The following ZFP64 variants were observed in gnomAD, a reference collection of about 807,000 sequenced individuals.
ZFP64 encodes ZFP64 zinc finger protein, also known as zinc finger protein 64.
A neutral mutation model predicts 51.6 loss-of-function variants in ZFP64; 14 were observed. The observed-to-expected ratio is 0.27, with a 90% CI of 0.18 to 0.42. The LOEUF is 0.42. Ranked by LOEUF, ZFP64 falls within the 10% of genes least tolerant of loss-of-function variation. The pLI, the probability that ZFP64 is intolerant of heterozygous loss-of-function variation, is 1.00. For synonymous variants in ZFP64, 375 were observed against 361.4 expected (o/e 1.04, Z -0.43); for missense variants, 754 against 906.8 (o/e 0.83, Z 2.16).
chr20:52,128,539 A>G (rs1979554947), intron 5 of ZFP64, among the ~76,000 whole-genome samples: 1 of 152,254 alleles, frequency 6.6e-6, no homozygotes, highest in Non-Finnish European at 1.5e-5. Flanking sequence ...TACAGTATTA[A>G]TAAATGTATA....
At chr20:52,105,327 C>G (rs1344575631) in intron 5 of ZFP64, 2 of 1,251,966 alleles carry the variant, frequency 1.6e-6, no homozygotes, top group Admixed American at 8.4e-5. Flanking sequence ...CCCCTTCGGC[C>G]GGAACGCGCA....
intron 2 of ZFP64, among the ~76,000 whole-genome samples, chr20:52,175,649 AGCCTGGCCAACATGGT>A (rs1288927552): frequency 1.9e-4 from 29 of 152,172 alleles, no homozygotes; most frequent in African/African-American, 7.0e-4. Context: ...GTTTGAGACC[AGCCTGGCCAACATGGT>A]GAAACCCTGT....
In ZFP64 at chr20:52,152,832, T is replaced by C. The variant is rs139224104; in HGVS notation, c.1360A>G (p.Lys454Glu). The change falls in exon 6 of 6, where the codon AAG becomes GAG. Residue 454 changes from lysine to glutamate, a missense_variant. This residue lies in a region of ZFP64 where 428 missense variants were observed against 472.4 expected (regional missense o/e 0.91). Transcript: ENST00000216923. ...KRQHSEYSES[K>E]NSDVTVLQFQ... ...TGGAGAACGGTCACGTCCGAGTTCT[T>C]ACTCTCACTGTACTCACTGTGCTGT... The C allele has an allele frequency of 8.7e-6, 14 of 1,614,016 alleles. No homozygotes were observed. Among genetic ancestry groups the C allele is most frequent in the Admixed American group, 3.3e-5 (2 of 60,008 alleles).
chr20:52,128,728 C>T (rs1194315346), intron 5 of ZFP64, among the ~76,000 whole-genome samples: 2 of 152,112 alleles, frequency 1.3e-5, no homozygotes, highest in African/African-American at 4.8e-5. Flanking sequence ...CTTGGTCTTC[C>T]GTCAGTAACA....
At chr20:52,146,174 G>T (rs1980515735) in intron 5 of ZFP64, among the ~76,000 whole-genome samples, 1 of 151,870 alleles carries the variant, frequency 6.6e-6, no homozygotes, top group African/African-American at 2.4e-5. Flanking sequence ...AAATGTTTCA[G>T]CTCCTCAGAG....
rs1981100443 is a variant in ZFP64 at position 52,153,972 on chromosome 20, T to G, written c.764-544A>C. On this transcript the variant is annotated intron_variant, in intron 5 of 5. Transcript: ENST00000216923. This position sits in a 1 kb window ranked among gnomAD's most constrained non-coding sequence, Gnocchi z 5.1. Reference sequence around the variant, plus strand: ...GATGTGTTTCTTGCACAAAATTTATTTATCCCATATTGCCAGCTGCGTTCT... The same window carrying G: ...GATGTGTTTCTTGCACAAAATTTATGTATCCCATATTGCCAGCTGCGTTCT... Among the ~76,000 whole-genome samples, 1 of 152,246 alleles carries G rather than the reference T, an allele frequency of 6.6e-6. No individual in the cohort carries two copies. The highest frequency in any genetic ancestry group is 6.5e-5 in the Admixed American group (1 of 15,286).
intron 5 of ZFP64, among the ~76,000 whole-genome samples, chr20:52,114,432 A>C (rs1978758279): frequency 6.6e-6 from 1 of 152,186 alleles, no homozygotes; most frequent in Non-Finnish European, 1.5e-5. Flanking sequence ...AGTGCTTCTC[A>C]AACTTTGATG....
At chr20:52,084,229 G>C (rs749786692) in exon 9 of ZFP64, 45 of 289,240 alleles carry the variant, frequency 1.6e-4, no homozygotes, top group Non-Finnish European at 2.6e-4. Flanking sequence ...CATCAGAGAT[G>C]GATCAGTTTT....
At chr20:52,094,738 AAAATAAAT>A (rs138950441) in intron 7 of ZFP64, among the ~76,000 whole-genome samples, 8,258 of 151,108 alleles carry the variant, frequency 0.055, 444 homozygotes, top group East Asian at 0.13. Flanking sequence ...ACCCTGTCTC[AAAATAAAT>A]AAATAAATAA....
intron 2 of ZFP64, among the ~76,000 whole-genome samples, chr20:52,174,896 C>T (rs541260229): frequency 6.6e-6 from 1 of 152,276 alleles, no homozygotes; most frequent in East Asian, 1.9e-4. Context: ...CCTTGGCTGT[C>T]ACAGAGACGA....
intron 2 of ZFP64, among the ~76,000 whole-genome samples, chr20:52,169,326 T>C (rs1982526015): frequency 6.6e-6 from 1 of 152,214 alleles, no homozygotes; most frequent in African/African-American, 2.4e-5. Context: ...GTTTGCCTTG[T>C]AGTGGAGTTT....
rs1480365649 is a variant in ZFP64, at chr20:52,191,630, C to G, written c.7G>C (p.Ala3Pro). 7.6e-6 allele frequency: 12 copies of G among 1,588,442 alleles called. No individual in the cohort carries two copies. The highest frequency in any genetic ancestry group is 1.7e-4 in the Middle Eastern group (1 of 6,012). The change falls in exon 1 of 6, where the codon GCG becomes CCG. Residue 3 changes from alanine (A) to proline (P), a missense_variant. Ala to Pro is a conservative substitution (Grantham distance 27). Around this residue, in one of 3 missense-constraint regions of ZFP64, gnomAD observed 95 missense variants for 97.7 expected, o/e 0.97. Coordinates refer to ENST00000216923, the MANE Select transcript of ZFP64 (RefSeq NM_018197.3). This position sits in a 1 kb window ranked among gnomAD's most constrained non-coding sequence, Gnocchi z 4.3. ...GCGAAGCTCTCGCCCTCGCTGCTCG[C>G]GTTCATGGCCGCAGACTGGGAGGTC... Reference protein sequence around the residue: MNASSEGESFAGS... With the variant: MNPSSEGESFAGS...
At chr20:52,100,941 C>T (rs1210746146) in intron 5 of ZFP64, among the ~76,000 whole-genome samples, 1 of 152,176 alleles carries the variant, frequency 6.6e-6, no homozygotes, top group Non-Finnish European at 1.5e-5. Context: ...CACATCCTAG[C>T]AGTTGTGCTC....
chr20:52,136,251 A>T (rs1051372765), intron 5 of ZFP64, among the ~76,000 whole-genome samples: 1 of 152,130 alleles, frequency 6.6e-6, no homozygotes, highest in African/African-American at 2.4e-5. Context: ...GCGCAGAGAA[A>T]GTGACCCATT....
At chr20:52,110,188 A>G (rs1451908169) in intron 5 of ZFP64, among the ~76,000 whole-genome samples, 1 of 152,210 alleles carries the variant, frequency 6.6e-6, no homozygotes, top group African/African-American at 2.4e-5. Flanking sequence ...GCATGGCTAC[A>G]TCGGCATCAA....
At chr20:52,183,575 CA>C (rs1983763125) in intron 2 of ZFP64, among the ~76,000 whole-genome samples, 1 of 152,150 alleles carries the variant, frequency 6.6e-6, no homozygotes, top group Non-Finnish European at 1.5e-5. Context: ...TAGGTCCTAC[CA>C]GGCCCACTTT....
intron 5 of ZFP64, among the ~76,000 whole-genome samples, chr20:52,124,395 G>C (rs1176193646): frequency 1.3e-5 from 2 of 152,086 alleles, no homozygotes; most frequent in Middle Eastern, 6.3e-3. Context: ...ATTTTTCACT[G>C]CATATCACAT....
intron 5 of ZFP64, among the ~76,000 whole-genome samples, chr20:52,114,927 G>T (rs1011045874): frequency 6.6e-6 from 1 of 152,110 alleles, no homozygotes; most frequent in African/African-American, 2.4e-5. Flanking sequence ...GCCGGGCACG[G>T]TGGCTCATGC....
chr20:52,141,640 A>G (rs1980260203), intron 5 of ZFP64, among the ~76,000 whole-genome samples: 1 of 152,194 alleles, frequency 6.6e-6, no homozygotes, highest in Admixed American at 6.5e-5. Flanking sequence ...ATGGATGAGG[A>G]ATTTCTTCTT....
Sources: gnomAD v4.1 joint callset for allele counts (sites outside exome capture counted in the v4.1 genomes callset) on GRCh38, gnomAD v4.1.1 for gene constraint, gnomAD v4.1.1 regional missense constraint, Gnocchi (gnomAD v3.1) non-coding constraint, MANE v1.5 for transcripts, NCBI Gene and HGNC (gene_info 2026-07-23, HGNC 2026-07-21) for gene names.